The following ADGRB1 variants were observed in gnomAD, a reference collection of about 807,000 sequenced individuals.
The protein encoded by ADGRB1 is brain-specific angiogenesis inhibitor 1.
In ADGRB1, 36 loss-of-function variants were observed where a neutral mutation model predicts 175.7. The observed-to-expected ratio is 0.20, with a 90% confidence interval of 0.16 to 0.27. The LOEUF is 0.27. ADGRB1 is among the 10% of genes least tolerant of loss of function. ADGRB1 has a pLI of 1.00. For missense variants in ADGRB1, 1,731 were observed against 2,255.3 expected, an observed-to-expected ratio of 0.77 and a Z score of 4.71; for synonymous variants, 1,054 against 979.4, an observed-to-expected ratio of 1.08 and a Z score of -1.42.
At chr8:142,467,258 A>G (rs1371363615) in intron 2 of ADGRB1, among the ~76,000 whole-genome samples, 1 of 152,222 alleles carries the variant, frequency 6.6e-6, no homozygotes, top group African/African-American at 2.4e-5. Flanking sequence ...CAGAAGAGCC[A>G]GATGGTTGGG....
chr8:142,529,124 C>T (rs2132188744), intron 24 of ADGRB1, among the ~76,000 whole-genome samples: 1 of 152,342 alleles, frequency 6.6e-6, no homozygotes, highest in Admixed American at 6.5e-5. Context: ...GGAGACTGGC[C>T]CTGGCCTGCC....
chr8:142,522,237 G>T (rs1843894456), intron 21 of ADGRB1, 122 bp downstream of exon 21: 2 of 1,381,612 alleles, frequency 1.4e-6, no homozygotes, highest in African/African-American at 1.4e-5. Context: ...GTTGCTGCTT[G>T]GGTGGGCTTC....
At chr8:142,469,188 T>C (rs1357721467) in intron 2 of ADGRB1, among the ~76,000 whole-genome samples, 1 of 151,602 alleles carries the variant, frequency 6.6e-6, no homozygotes, top group Non-Finnish European at 1.5e-5. Context: ...TGTGAATGTG[T>C]GCACATGTGC....
intron 18 of ADGRB1, among the ~76,000 whole-genome samples, chr8:142,515,310 C>T (rs555107265): frequency 1.2e-3 from 181 of 152,334 alleles, no homozygotes; most frequent in African/African-American, 4.2e-3. Context: ...GAGTTGAGGC[C>T]GGTCTTGGTC....
chr8:142,543,301 C>A lies in ADGRB1; in HGVS notation c.4414-102C>A. On this transcript the variant is annotated intron_variant, in intron 28 of 30. Coordinates refer to ENST00000517894, the MANE Select transcript of ADGRB1 (RefSeq NM_001702.3). The surrounding 1 kb of genome is among the most constrained non-coding windows in gnomAD (Gnocchi z 4.4). The stretch of plus-strand genomic sequence containing the variant: ...GTCTGGCCTGGTCCCTGAAGGCAGG[C>A]ATGGGGCGAGTGAGTCCCTGATGCC... 6.7e-7 allele frequency: 1 copy of A among 1,483,106 alleles called. No homozygotes were observed. Among genetic ancestry groups the A allele is most frequent in the Non-Finnish European group, 9.3e-7 (1 of 1,080,440 alleles). The allele number at this position is 1,483,106 out of a possible 1,614,324, so 91.9% of individuals were successfully genotyped here.
Position 142,477,373 on chromosome 8 carries a change from G to T in ADGRB1, c.1223-12G>T, listed in dbSNP as rs564646816. 4 of 1,604,368 alleles carry T rather than the reference G, an allele frequency of 2.5e-6. No individual in the cohort carries two copies. The South Asian group carries it at 4.4e-5, about 18-fold the overall frequency. ...GCCGCAGTGGGCAGCAGCACCTTCC[G>T]TCCCTCTGCAGTGCATGGTGCCTGG... On this transcript the variant is annotated splice_polypyrimidine_tract_variant and intron_variant, in intron 5 of 30. Transcript: ENST00000517894.
At position 142,452,046 on chromosome 8, in the gene ADGRB1, G is replaced by A. The variant is rs571432542; in HGVS notation, c.-220+1942G>A. On this transcript the variant is annotated intron_variant, in intron 1 of 30. Transcript: ENST00000517894. ...CCTTGGAAGGGGGTGTGCGCAGCCC[G>A]CCGAGTCAGTCCCGCTCGCCTGCCG... Among the ~76,000 whole-genome samples, 67 of 152,290 alleles carry A rather than the reference G, an allele frequency of 4.4e-4. No individual in the cohort carries two copies. The South Asian group carries it at 0.014, about 31-fold the overall frequency.
At chr8:142,469,294 C>G (rs1334497084) in intron 2 of ADGRB1, among the ~76,000 whole-genome samples, 2 of 144,402 alleles carry the variant, frequency 1.4e-5, no homozygotes, top group East Asian at 4.2e-4. Context: ...AATGTGTGTG[C>G]ACGCGTGCAT....
In ADGRB1 at chr8:142,543,368, C is replaced by G. The variant is rs1276593411; in HGVS notation, c.4414-35C>G. 1.2e-6 allele frequency: 2 copies of G among 1,613,000 alleles called. No homozygotes were observed. Among genetic ancestry groups the G allele is most frequent in the Admixed American group, 1.7e-5 (1 of 59,930 alleles). ...GAGAGGCGTGGACTTGTCAGGGACC[C>G]TTGGCGAATGTTCGCAAACCCCTTC... On this transcript the variant is annotated intron_variant, in intron 28 of 30. Coordinates refer to ENST00000517894, the MANE Select transcript of ADGRB1 (RefSeq NM_001702.3). This position sits in a 1 kb window ranked among gnomAD's most constrained non-coding sequence, Gnocchi z 4.4.
intron 9 of ADGRB1, among the ~76,000 whole-genome samples, chr8:142,480,206 G>T (rs1841259082): frequency 6.6e-6 from 1 of 152,318 alleles, no homozygotes; most frequent in Middle Eastern, 3.4e-3. Context: ...GCTGCACTAG[G>T]GGCAGGCCTC....
Position 142,449,771 on chromosome 8 carries a change from G to A in ADGRB1, c.-553G>A, listed in dbSNP as rs1265240660. 31 of 146,838 alleles carry A rather than the reference G, an allele frequency of 2.1e-4. No individual in the cohort carries two copies. The South Asian group carries it at 5.0e-3, about 24-fold the overall frequency. The allele number at this position is 146,838 out of a possible 1,614,324, so 9.1% of individuals were successfully genotyped here. Reference sequence around the variant, plus strand: ...GCCCCGGCGGAGCGAGCGCGGAGCCGGAGAGCCGGGAGCACAGGCGGCCGC... The same window carrying A: ...GCCCCGGCGGAGCGAGCGCGGAGCCAGAGAGCCGGGAGCACAGGCGGCCGC... On this transcript the variant is annotated 5_prime_UTR_variant, in exon 1 of 31. Transcript: ENST00000517894.
chr8:142,477,342 G>A (rs1448601630), intron 5 of ADGRB1, 43 bp from the exon 6 acceptor site: 6 of 1,372,636 alleles, frequency 4.4e-6, no homozygotes, highest in Admixed American at 1.8e-5. Context: ...GGCAGCGGGG[G>A]CGGTGGCCGC....
intron 24 of ADGRB1, among the ~76,000 whole-genome samples, chr8:142,526,900 C>T (rs1347027655): frequency 6.6e-6 from 1 of 152,184 alleles, no homozygotes; most frequent in African/African-American, 2.4e-5. Context: ...AGGGACACCC[C>T]GCCTCTGCCT....
At chr8:142,453,669 C>T (rs1317589670) in intron 1 of ADGRB1, among the ~76,000 whole-genome samples, 2 of 152,110 alleles carry the variant, frequency 1.3e-5, no homozygotes, top group South Asian at 2.1e-4. Context: ...GGGAGCAGGG[C>T]AGGGGGCAGG....
At chr8:142,450,901 C>A (rs1839308218) in intron 1 of ADGRB1, among the ~76,000 whole-genome samples, 1 of 152,188 alleles carries the variant, frequency 6.6e-6, no homozygotes, top group South Asian at 2.1e-4. Context: ...TGGGCCGGCC[C>A]TATGCCGTCT....
intron 1 of ADGRB1, among the ~76,000 whole-genome samples, 198 bp from the exon 2 acceptor site, chr8:142,463,782 T>C (rs1305547324): frequency 6.6e-6 from 1 of 152,162 alleles, no homozygotes; most frequent in Non-Finnish European, 1.5e-5. Context: ...CTGCAGGTGG[T>C]CACATTGGTG....
At chr8:142,526,504 C>CCCCCCCCCCCCCCCCCCCCCCCCA in intron 23 of ADGRB1, 38 bp from the exon 24 acceptor site, 1 of 786,194 alleles carries the variant, frequency 1.3e-6, no homozygotes, top group Non-Finnish European at 2.1e-6. Flanking sequence ...CCTACGGCGG[C>CCCCCCCCCCCCCCCCCCCCCCCCA]CCCCACCCCC....
At chr8:142,471,847 G>A (rs1449538947) in intron 2 of ADGRB1, among the ~76,000 whole-genome samples, 5 of 152,334 alleles carry the variant, frequency 3.3e-5, no homozygotes, top group South Asian at 2.1e-4. Flanking sequence ...GCCACCAGGC[G>A]CCCCATCCAC....
intron 17 of ADGRB1, among the ~76,000 whole-genome samples, chr8:142,496,140 G>A (rs1231533323): frequency 3.3e-5 from 5 of 151,420 alleles, no homozygotes; most frequent in African/African-American, 1.2e-4. Context: ...CGGGTGAATA[G>A]GTGTGTGGGT....
Sources: allele counts gnomAD v4.1 joint callset (sites outside exome capture counted in the v4.1 genomes callset), GRCh38; gene constraint gnomAD v4.1.1; non-coding constraint Gnocchi (gnomAD v3.1); transcripts MANE v1.5; gene names NCBI Gene and HGNC (gene_info 2026-07-23, HGNC 2026-07-21).